Variants in SNX25 observed in about 807,000 individuals in gnomAD.
The protein encoded by SNX25 is sorting nexin 25.
A neutral mutation model predicts 113.7 loss-of-function variants in SNX25; 62 were observed. The ratio of observed to expected loss-of-function variants is 0.55; its 90% CI spans 0.44 to 0.67. The LOEUF is 0.67. Ranked by LOEUF, SNX25 falls within the 30% of genes least tolerant of loss-of-function variation. The pLI is 0.00. For missense variants in SNX25, 1,014 were observed against 1,161.0 expected, an observed-to-expected ratio of 0.87 and a Z score of 1.84; for synonymous variants, 421 against 436.2, an observed-to-expected ratio of 0.97 and a Z score of 0.43.
chr4:185,325,250 A>G (rs1027060698), intron 9 of SNX25, among the ~76,000 whole-genome samples: 15 of 152,106 alleles, frequency 9.9e-5, no homozygotes, highest in African/African-American at 3.6e-4. Context: ...TAAAAGACAA[A>G]TCGCCAGGTG....
chr4:185,208,289 T>TAA (rs1737283823), upstream of SNX25, among the ~76,000 whole-genome samples: 1 of 151,870 alleles, frequency 6.6e-6, no homozygotes. Flanking sequence ...GTGTAGGGAT[T>TAA]ACAGGCGTGA....
At chr4:185,212,233 C>T (rs577666700) in intron 1 of SNX25, among the ~76,000 whole-genome samples, 1 of 151,888 alleles carries the variant, frequency 6.6e-6, no homozygotes, top group East Asian at 1.9e-4. Context: ...CCTCCTCAGC[C>T]TCGGAAAGTG....
chr4:185,212,485 G>GTTTTTTTT, intron 1 of SNX25, among the ~76,000 whole-genome samples: 1 of 48,340 alleles, frequency 2.1e-5, no homozygotes, highest in South Asian at 7.4e-4. Flanking sequence ...GTGTGTGTGT[G>GTTTTTTTT]TGTGTGTTTT....
intron 2 of SNX25, among the ~76,000 whole-genome samples, chr4:185,249,446 A>T (rs911536476): frequency 3.3e-5 from 5 of 152,308 alleles, no homozygotes; most frequent in African/African-American, 1.2e-4. Flanking sequence ...TGATGTGTCT[A>T]TGCAAGTCTT....
At chr4:185,223,574 G>A (rs193294320) in intron 1 of SNX25, among the ~76,000 whole-genome samples, 1 of 152,216 alleles carries the variant, frequency 6.6e-6, no homozygotes, top group East Asian at 1.9e-4. Context: ...GGCCGAGAAG[G>A]GTAGGACCAT....
chr4:185,271,938 A>G (rs1748989756), intron 5 of SNX25, among the ~76,000 whole-genome samples: 1 of 152,238 alleles, frequency 6.6e-6, no homozygotes. Context: ...CTTCAAATAT[A>G]CTAAATTAGT....
rs1239517078 is a variant in SNX25, at chr4:185,210,655, G to C, written c.429+400G>C. 6.6e-6 allele frequency among the ~76,000 whole-genome samples: 1 copy of C among 152,030 alleles called. No homozygotes were observed. The highest frequency in any genetic ancestry group is 1.5e-5 in the Non-Finnish European group (1 of 67,996). On this transcript the variant is annotated intron_variant, in intron 1 of 18. Coordinates refer to ENST00000652585, the MANE Select transcript of SNX25 (RefSeq NM_001378034.2). This position sits in a 1 kb window ranked among gnomAD's most constrained non-coding sequence, Gnocchi z 4.4. ...GGCGATCCGCTTGGTTCTTCTGGCC[G>C]TTCTCGGTGGGAGGCAACTTTATGA...
At chr4:185,371,268 G>T (rs192147718), downstream of SNX25, among the ~76,000 whole-genome samples, 27 of 152,174 alleles carry the variant, frequency 1.8e-4, no homozygotes, top group Admixed American at 1.6e-3. Flanking sequence ...GGCTGGGCGC[G>T]GTGGCTCACG....
chr4:185,341,979 A>G lies in SNX25; in HGVS notation c.2050A>G (p.Thr684Ala), dbSNP rs761562009. ...WKASITSGEV[T>A]EENGEQLPCY... Reference sequence around the variant, plus strand: ...CGATTTTGATGTTTTCCCCAAGGTTACAGAAGAGAATGGTGAGCAATTGCC... The same window carrying G: ...CGATTTTGATGTTTTCCCCAAGGTTGCAGAAGAGAATGGTGAGCAATTGCC... Residue 684 changes from threonine (T) to alanine (A), a missense_variant, in exon 12 of 19, where the codon ACA becomes GCA. Thr to Ala is a moderately conservative substitution (Grantham distance 58). Transcript: ENST00000652585. 2 of 1,589,014 alleles carry G rather than the reference A, an allele frequency of 1.3e-6. No homozygotes were observed. The highest frequency in any genetic ancestry group is 2.7e-5 in the African/African-American group (2 of 73,594).
At chr4:185,278,226 T>C (rs1750035232) in intron 5 of SNX25, among the ~76,000 whole-genome samples, 1 of 152,188 alleles carries the variant, frequency 6.6e-6, no homozygotes, top group African/African-American at 2.4e-5. Flanking sequence ...TGTAGAGAAA[T>C]GCAGTTCTTC....
intron 1 of SNX25, among the ~76,000 whole-genome samples, chr4:185,240,146 A>G (rs1468180545): frequency 2.6e-5 from 4 of 151,836 alleles, no homozygotes; most frequent in Non-Finnish European, 5.9e-5. Context: ...AACAAAATGA[A>G]AAGTCTCCCA....
intron 10 of SNX25, among the ~76,000 whole-genome samples, chr4:185,333,142 G>C (rs568416614): frequency 6.6e-5 from 10 of 152,222 alleles, no homozygotes; most frequent in Non-Finnish European, 1.5e-4. Context: ...GAACCTTACA[G>C]TATTGTTCAG....
intron 7 of SNX25, among the ~76,000 whole-genome samples, chr4:185,315,494 A>C (rs934731883): frequency 4.6e-5 from 7 of 152,010 alleles, no homozygotes; most frequent in Admixed American, 3.3e-4. Flanking sequence ...GGGCTTCACC[A>C]TGTTGGCCAG....
chr4:185,356,143 T>TCA (rs1706147209), intron 15 of SNX25, among the ~76,000 whole-genome samples: 1 of 150,156 alleles, frequency 6.7e-6, no homozygotes, highest in African/African-American at 2.5e-5. Flanking sequence ...GTAATGGGGC[T>TCA]CGCGTGTGTG....
chr4:185,268,579 AT>A (rs1748472452), intron 5 of SNX25, among the ~76,000 whole-genome samples: 1 of 152,186 alleles, frequency 6.6e-6, no homozygotes, highest in Admixed American at 6.5e-5. Flanking sequence ...TTCATTAATA[AT>A]TTTGGTAAAA....
chr4:185,204,585 C>G (rs1737104534), intron 1 of SNX25: 1 of 152,260 alleles, frequency 6.6e-6, no homozygotes, highest in African/African-American at 2.4e-5. Context: ...ATGTGCACCT[C>G]CTAGTCCCCA....
At chr4:185,239,219 C>G (rs1055456421) in intron 1 of SNX25, among the ~76,000 whole-genome samples, 4 of 151,574 alleles carry the variant, frequency 2.6e-5, no homozygotes, top group Admixed American at 1.3e-4. Context: ...CGGTGGCTCA[C>G]ACCTGTAATC....
intron 6 of SNX25, among the ~76,000 whole-genome samples, chr4:185,295,279 T>C (rs188888152): frequency 3.7e-4 from 56 of 152,312 alleles, no homozygotes; most frequent in Admixed American, 3.6e-3. Context: ...TGCTGCATTC[T>C]TTTTTATAAG....
upstream of SNX25, chr4:185,207,887 T>A (rs1439542257): frequency 6.6e-6 from 1 of 152,176 alleles, no homozygotes; most frequent in Non-Finnish European, 1.5e-5. Flanking sequence ...AGGGCTAAAA[T>A]TGAAAAATTA....
Sources: allele counts gnomAD v4.1 joint callset (sites outside exome capture counted in the v4.1 genomes callset), GRCh38; gene constraint gnomAD v4.1.1; non-coding constraint Gnocchi (gnomAD v3.1); transcripts MANE v1.5; gene names NCBI Gene and HGNC (gene_info 2026-07-23, HGNC 2026-07-21).